The following KCND2 variants were observed in gnomAD, a reference collection of about 807,000 sequenced individuals.
KCND2 encodes potassium voltage-gated channel subfamily D member 2.
KCND2 carries 16 observed loss-of-function variants against 54.4 expected under a neutral mutation model. The observed-to-expected ratio is 0.29, with a 90% confidence interval of 0.20 to 0.45. KCND2 has a LOEUF of 0.45. KCND2 is among the 20% of genes least tolerant of loss of function. The pLI is 1.00. For missense variants in KCND2, 486 were observed against 824.2 expected, an observed-to-expected ratio of 0.59 and a Z score of 5.02; for synonymous variants, 317 against 310.7, an observed-to-expected ratio of 1.02 and a Z score of -0.21.
In KCND2 at chr7:120,522,678, T is replaced by C. The variant is rs1269979499; in HGVS notation, c.1116-210225T>C. Reference sequence around the variant, plus strand: ...GAATCATTCCTGATAGCCCAGAAAGTGTAAATAAAAGTCACGAATATTCAG... The same window carrying C: ...GAATCATTCCTGATAGCCCAGAAAGCGTAAATAAAAGTCACGAATATTCAG... On this transcript the variant is annotated intron_variant, in intron 1 of 5. Coordinates refer to ENST00000331113, the MANE Select transcript of KCND2 (RefSeq NM_012281.3). 2.0e-5 allele frequency among the ~76,000 whole-genome samples: 3 copies of C among 152,140 alleles called. No individual in the cohort carries two copies. In the East Asian group the frequency reaches 5.8e-4, roughly 29 times the overall value.
chr7:120,445,217 A>G (rs1802003255), intron 1 of KCND2, among the ~76,000 whole-genome samples: 1 of 152,230 alleles, frequency 6.6e-6, no homozygotes, highest in Non-Finnish European at 1.5e-5. Flanking sequence ...TGAAATTTTA[A>G]AAGTAAATTT....
At chr7:120,739,881 T>C (rs1792919599) in intron 2 of KCND2, among the ~76,000 whole-genome samples, 1 of 151,968 alleles carries the variant, frequency 6.6e-6, no homozygotes. Flanking sequence ...ATATGTCTTG[T>C]AGATAAGCTC....
chr7:120,673,088 G>A (rs745833227), intron 1 of KCND2: 6 of 152,126 alleles, frequency 3.9e-5, no homozygotes, highest in Non-Finnish European at 7.4e-5. Context: ...GAAAGACCAC[G>A]TGAGAACACA....
intron 2 of KCND2, among the ~76,000 whole-genome samples, chr7:120,741,142 G>A (rs2116174589): frequency 6.6e-6 from 1 of 151,996 alleles, no homozygotes; most frequent in Non-Finnish European, 1.5e-5. Context: ...ACGAAAAGGA[G>A]TTGGCAGCTG....
In KCND2 at chr7:120,741,637, C is replaced by T. The variant is rs1792942796; in HGVS notation, c.1374+8C>T. The T allele has an allele frequency of 1.9e-6, 3 of 1,570,760 alleles. No individual in the cohort carries two copies. In the African/African-American group the frequency reaches 4.1e-5, roughly 21 times the overall value. On this transcript the variant is annotated splice_region_variant and intron_variant, in intron 3 of 5. Transcript: ENST00000331113. ...CTCAGTAATCAGCTGCAGGTACAATCAATTACATCTCTTTTTTTAATGTTC... is the reference window on the plus strand; with the variant it reads ...CTCAGTAATCAGCTGCAGGTACAATTAATTACATCTCTTTTTTTAATGTTC...
chr7:120,631,542 T>C (rs569367583), intron 1 of KCND2, among the ~76,000 whole-genome samples: 1 of 152,202 alleles, frequency 6.6e-6, no homozygotes, highest in South Asian at 2.1e-4. Context: ...GATTTTCCTC[T>C]GGCAAGATAT....
chr7:120,388,192 C>CT (rs1472039325), intron 1 of KCND2, among the ~76,000 whole-genome samples: 1 of 152,010 alleles, frequency 6.6e-6, no homozygotes, highest in Non-Finnish European at 1.5e-5. Context: ...TTAACTCCTC[C>CT]TCCCAAGGAA....
chr7:120,621,334 C>G (rs1339431156), intron 1 of KCND2, among the ~76,000 whole-genome samples: 2 of 145,482 alleles, frequency 1.4e-5, no homozygotes, highest in Admixed American at 1.4e-4. Context: ...CACCTGGGTT[C>G]TCTCTCCTAT....
rs1348543120 is a variant in KCND2 at position 120,741,546 on chromosome 7, G to T, written c.1291G>T (p.Ala431Ser). ...KRRAQKKARL[A>S]RIRAAKSGSA... Reference sequence around the variant, plus strand: ...TTTTCTCCTATAGAAAGCTAGACTGGCCAGGATCCGGGCAGCCAAAAGCGG... The same window carrying T: ...TTTTCTCCTATAGAAAGCTAGACTGTCCAGGATCCGGGCAGCCAAAAGCGG... Residue 431 changes from alanine (A) to serine (S), a missense_variant, in exon 3 of 6, where the codon GCC becomes TCC. By Grantham distance (99) the Ala-to-Ser change is moderately conservative. Around this residue, in one of 7 missense-constraint regions of KCND2, gnomAD observed 202 missense variants for 252.7 expected, o/e 0.80. Transcript: ENST00000331113. The T allele has an allele frequency of 6.2e-7, 1 of 1,612,396 alleles. No homozygotes were observed. The highest frequency in any genetic ancestry group is 8.5e-7 in the Non-Finnish European group (1 of 1,178,686).
intron 1 of KCND2, among the ~76,000 whole-genome samples, chr7:120,330,449 C>T: frequency 6.6e-6 from 1 of 151,772 alleles, no homozygotes; most frequent in East Asian, 1.9e-4. Context: ...GGCATGGTGG[C>T]AGGCACCTGT....
intron 1 of KCND2, among the ~76,000 whole-genome samples, chr7:120,405,147 G>A (rs1801332343): frequency 6.6e-6 from 1 of 151,574 alleles, no homozygotes; most frequent in South Asian, 2.1e-4. Context: ...TTTTCAAAGG[G>A]GCCAGAATTA....
chr7:120,524,351 A>C (rs925651942), intron 1 of KCND2, among the ~76,000 whole-genome samples: 4 of 152,214 alleles, frequency 2.6e-5, no homozygotes, highest in Non-Finnish European at 5.9e-5. Context: ...ATGTAGGAGT[A>C]GAGTCTGATA....
At chr7:120,281,828 C>A (rs1475256841) in intron 1 of KCND2, among the ~76,000 whole-genome samples, 2 of 152,160 alleles carry the variant, frequency 1.3e-5, no homozygotes, top group African/African-American at 4.8e-5. Context: ...TGTGCCATCT[C>A]AACATTAGCA....
At chr7:120,526,042 G>A (rs775569342) in intron 1 of KCND2, among the ~76,000 whole-genome samples, 8 of 151,916 alleles carry the variant, frequency 5.3e-5, no homozygotes, top group Non-Finnish European at 1.2e-4. Flanking sequence ...TTCCACACTC[G>A]CCAAAACTTT....
chr7:120,384,858 C>T (rs1563028720), intron 1 of KCND2, among the ~76,000 whole-genome samples: 1 of 152,056 alleles, frequency 6.6e-6, no homozygotes, highest in Non-Finnish European at 1.5e-5. Flanking sequence ...GAACTTGTGC[C>T]TAGGCAAAAC....
At chr7:120,739,931 C>G (rs1792920115) in intron 2 of KCND2, among the ~76,000 whole-genome samples, 2 of 151,776 alleles carry the variant, frequency 1.3e-5, no homozygotes, top group Admixed American at 1.3e-4. Flanking sequence ...TTATAGTTGC[C>G]AAAGATGCTT....
Position 120,567,449 on chromosome 7 carries a change from G to T in KCND2, c.1116-165454G>T, listed in dbSNP as rs1792312404. ...GTCATCAGAAAAATAGCCTAGGATG[G>T]AGCCAAATGAACATAAATTTGTCAA... On this transcript the variant is annotated intron_variant, in intron 1 of 5. Coordinates refer to ENST00000331113, the MANE Select transcript of KCND2 (RefSeq NM_012281.3). 2.0e-5 allele frequency among the ~76,000 whole-genome samples: 3 copies of T among 152,136 alleles called. No individual in the cohort carries two copies. The South Asian group carries it at 6.2e-4, about 32-fold the overall frequency.
chr7:120,570,514 T>TA (rs1306649600), intron 1 of KCND2, among the ~76,000 whole-genome samples: 1 of 151,660 alleles, frequency 6.6e-6, no homozygotes, highest in Non-Finnish European at 1.5e-5. Context: ...TATGAACCAA[T>TA]AAAAAAAGAA....
chr7:120,619,212 A>G (rs1330770407), intron 1 of KCND2, among the ~76,000 whole-genome samples: 1 of 152,174 alleles, frequency 6.6e-6, no homozygotes, highest in Non-Finnish European at 1.5e-5. Flanking sequence ...CAGGTGGATC[A>G]CTTGTGCTTA....
Sources: allele counts gnomAD v4.1 joint callset (sites outside exome capture counted in the v4.1 genomes callset), GRCh38; gene constraint gnomAD v4.1.1; regional missense constraint gnomAD v4.1.1; transcripts MANE v1.5; gene names NCBI Gene and HGNC (gene_info 2026-07-23, HGNC 2026-07-21).